The following ZDHHC3 variants were observed in gnomAD, a reference collection of about 807,000 sequenced individuals.
The protein encoded by ZDHHC3 is zDHHC palmitoyltransferase 3.
Under a neutral mutation model 30.6 loss-of-function variants are expected in ZDHHC3, and 9 were observed. That is an observed-to-expected ratio of 0.29 (90% CI 0.18 to 0.51). ZDHHC3 has a LOEUF of 0.51. Ranked by LOEUF, ZDHHC3 falls within the 20% of genes least tolerant of loss-of-function variation. The probability of loss-of-function intolerance (pLI) is 0.97; values close to 1 mark genes in which losing one functional copy is unlikely to be tolerated. For missense variants in ZDHHC3, 246 were observed against 384.2 expected, an observed-to-expected ratio of 0.64 and a Z score of 3.01; for synonymous variants, 136 against 140.2, an observed-to-expected ratio of 0.97 and a Z score of 0.21.
At chr3:44,935,085 T>G (rs1701838204) in intron 3 of ZDHHC3, among the ~76,000 whole-genome samples, 1 of 152,154 alleles carries the variant, frequency 6.6e-6, no homozygotes, top group African/African-American at 2.4e-5. Context: ...CGTCCCGGAC[T>G]ACTAGGGGCT....
intron 3 of ZDHHC3, chr3:44,938,494 A>T (rs562868899): frequency 5.1e-6 from 1 of 195,922 alleles, no homozygotes; most frequent in Non-Finnish European, 1.1e-5. Flanking sequence ...AGCACAAAGG[A>T]CGATATTTCA....
At chr3:44,930,702 T>C (rs1203820965) in intron 5 of ZDHHC3, among the ~76,000 whole-genome samples, 1 of 152,192 alleles carries the variant, frequency 6.6e-6, no homozygotes, top group Non-Finnish European at 1.5e-5. Context: ...AAACATCTCA[T>C]CCACAATGCA....
rs1700801768 is a variant in ZDHHC3 at position 44,924,070 on chromosome 3, C to A, written c.*2619G>T. ...CACATCTTTATTTTTCACTTCCACT[C>A]CCCAGAGCCCAGGCTCTGAAAGACT... On this transcript the variant is annotated 3_prime_UTR_variant, in exon 7 of 7. Transcript: ENST00000424952. 1 of 985,310 alleles carries A rather than the reference C, an allele frequency of 1.0e-6. No individual in the cohort carries two copies. The highest frequency in any genetic ancestry group is 6.1e-5 in the Admixed American group (1 of 16,266). The allele number at this position is 985,310 out of a possible 1,614,324, so 61.0% of individuals were successfully genotyped here.
chr3:44,937,562 T>TTG (rs1553686294), intron 3 of ZDHHC3: 2 of 147,794 alleles, frequency 1.4e-5, no homozygotes, highest in East Asian at 4.0e-4. Flanking sequence ...TTTTTTTTTT[T>TTG]TTTTTTTTTT....
chr3:44,942,435 C>T (rs375742284), intron 3 of ZDHHC3, among the ~76,000 whole-genome samples: 1 of 152,308 alleles, frequency 6.6e-6, no homozygotes, highest in East Asian at 1.9e-4. Context: ...CTTGCTTTGC[C>T]CAAGCTGATC....
intron 5 of ZDHHC3, among the ~76,000 whole-genome samples, chr3:44,930,342 TGGCCTGGGAAATGCCA>T (rs1701385276): frequency 6.6e-6 from 1 of 152,188 alleles, no homozygotes; most frequent in South Asian, 2.1e-4. Context: ...TGAAGCAAGG[TGGCCTGGGAAATGCCA>T]GGCCTGGAAG....
chr3:44,927,927 T>G (rs1281368534), intron 6 of ZDHHC3, among the ~76,000 whole-genome samples: 2 of 152,178 alleles, frequency 1.3e-5, no homozygotes, highest in Non-Finnish European at 2.9e-5. Context: ...CCTTCCCAGG[T>G]GGGGCAGGGC....
At chr3:44,960,463 T>C (rs148396999) in intron 1 of ZDHHC3, among the ~76,000 whole-genome samples, 3,032 of 152,380 alleles carry the variant, frequency 0.02, 47 homozygotes, top group Non-Finnish European at 0.031. Context: ...TCTTTCTCTC[T>C]AGAAGCTGCA....
rs1415935084 is a variant in ZDHHC3 at position 44,925,795 on chromosome 3, T to C, written c.*894A>G. 4.1e-6 allele frequency: 4 copies of C among 985,760 alleles called. No homozygotes were observed. The East Asian group carries it at 4.5e-4, about 112-fold the overall frequency. The allele number at this position is 985,760 out of a possible 1,614,324, so 61.1% of individuals were successfully genotyped here. A position where few individuals can be genotyped will look rare whatever the true frequency, so the allele number is the denominator to read the frequency against. On this transcript the variant is annotated 3_prime_UTR_variant, in exon 7 of 7. Transcript: ENST00000424952. Reference sequence around the variant, plus strand: ...TGGTGGGGCTGTATGTGTTGGGCACTGGTGCCTATTGCAGTCAGAATTCAC... The same window carrying C: ...TGGTGGGGCTGTATGTGTTGGGCACCGGTGCCTATTGCAGTCAGAATTCAC...
intron 1 of ZDHHC3, among the ~76,000 whole-genome samples, chr3:44,966,843 T>C (rs923259002): frequency 2.6e-5 from 4 of 152,148 alleles, no homozygotes; most frequent in African/African-American, 7.2e-5. Flanking sequence ...CATTAAAAAA[T>C]AGGATGAGTC....
At chr3:44,944,970 C>T (rs1266422502) in intron 3 of ZDHHC3, among the ~76,000 whole-genome samples, 198 bp downstream of exon 3, 3 of 152,202 alleles carry the variant, frequency 2.0e-5, no homozygotes, top group African/African-American at 7.2e-5. Context: ...ATGCTCTTTG[C>T]AATCTAGAGG....
intron 2 of ZDHHC3, among the ~76,000 whole-genome samples, chr3:44,950,089 C>T (rs1337752819): frequency 6.6e-6 from 1 of 152,210 alleles, no homozygotes; most frequent in Non-Finnish European, 1.5e-5. Context: ...CCTGCCTTGG[C>T]CTTCTGAAGT....
chr3:44,934,571 CAAA>C (rs55841069), intron 3 of ZDHHC3, among the ~76,000 whole-genome samples: 48 of 95,546 alleles, frequency 5.0e-4, no homozygotes, highest in Admixed American at 5.5e-4. Flanking sequence ...TCCATTTAGC[CAAA>C]AAAAAAAAAA....
intron 2 of ZDHHC3, among the ~76,000 whole-genome samples, chr3:44,953,428 T>TA (rs1289275386): frequency 1.3e-5 from 2 of 152,206 alleles, no homozygotes; most frequent in African/African-American, 4.8e-5. Flanking sequence ...GTATCTAGGA[T>TA]AATATGATAA....
At chr3:44,963,836 C>A (rs990666346) in intron 1 of ZDHHC3, among the ~76,000 whole-genome samples, 1 of 152,204 alleles carries the variant, frequency 6.6e-6, no homozygotes, top group East Asian at 1.9e-4. Context: ...CGGCCCCTTG[C>A]CCTATTTGGT....
In ZDHHC3 at chr3:44,920,391, T is replaced by A; in HGVS notation, c.*6298A>T. The A allele has an allele frequency of 4.7e-6, 6 of 1,283,116 alleles. No individual in the cohort carries two copies. The highest frequency in any genetic ancestry group is 6.1e-6 in the Non-Finnish European group (6 of 983,184). 79.5% of individuals were successfully genotyped at this position (1,283,116 alleles called of 1,614,324 possible). The stretch of plus-strand genomic sequence containing the variant: ...GCACGAGAGCTGGGACATCACCATA[T>A]GGCAGACCCGGCTACAGAGGAAACA... On this transcript the variant is annotated 3_prime_UTR_variant, in exon 7 of 7. Transcript: ENST00000424952.
At position 44,922,394 on chromosome 3, in the gene ZDHHC3, G is replaced by C; in HGVS notation, c.*4295C>G. The C allele has an allele frequency of 2.0e-6, 2 of 985,388 alleles. No homozygotes were observed. The highest frequency in any genetic ancestry group is 2.4e-6 in the Non-Finnish European group (2 of 829,920). The allele number at this position is 985,388 out of a possible 1,614,324, so 61.0% of individuals were successfully genotyped here. ...CCAAAGGGCCCTTGGTCTAGAGATGGGTTCCACTGATGAGATGCACAAGGA... is the reference window on the plus strand; with the variant it reads ...CCAAAGGGCCCTTGGTCTAGAGATGCGTTCCACTGATGAGATGCACAAGGA... On this transcript the variant is annotated 3_prime_UTR_variant, in exon 7 of 7. Coordinates refer to ENST00000424952, the MANE Select transcript of ZDHHC3 (RefSeq NM_001135179.2).
intron 3 of ZDHHC3, among the ~76,000 whole-genome samples, chr3:44,941,075 G>A (rs952756505): frequency 1.3e-5 from 2 of 152,148 alleles, no homozygotes; most frequent in African/African-American, 4.8e-5. Context: ...TTTAGCAAGG[G>A]TCAGCTGAAT....
chr3:44,953,698 T>C (rs1432224093), intron 2 of ZDHHC3, among the ~76,000 whole-genome samples: 1 of 152,192 alleles, frequency 6.6e-6, no homozygotes, highest in African/African-American at 2.4e-5. Flanking sequence ...GGTAGCTAGT[T>C]GGTCCCCAAA....
Sources: allele counts gnomAD v4.1 joint callset (sites outside exome capture counted in the v4.1 genomes callset), GRCh38; gene constraint gnomAD v4.1.1; transcripts MANE v1.5; gene names NCBI Gene and HGNC (gene_info 2026-07-23, HGNC 2026-07-21).